The following SGPP2 variants were observed in gnomAD, a reference collection of about 807,000 sequenced individuals.
The protein encoded by SGPP2 is sphingosine-1-phosphate phosphatase 2.
SGPP2 carries 30 observed loss-of-function variants against 33.9 expected under a neutral mutation model. That is an observed-to-expected ratio of 0.89 (90% CI 0.66 to 1.20). The LOEUF (loss-of-function observed/expected upper bound fraction) is 1.20, where lower values mean the gene tolerates loss of function less well. SGPP2 is among the 50% of genes most tolerant of loss of function. SGPP2 has a pLI of 0.00. For synonymous variants in SGPP2, 233 were observed against 225.0 expected (o/e 1.04, Z -0.32); for missense variants, 458 against 532.1 (o/e 0.86, Z 1.37).
rs890143341 is a variant in SGPP2 at position 222,561,767 on chromosome 2, T to C, written c.*2869T>C. ...CAACTGGAGAATGAAAAGTGTATAT[T>C]GGTGACGCCAACCTCAGTTTCTGAG... On this transcript the variant is annotated 3_prime_UTR_variant, in exon 5 of 5. Coordinates refer to ENST00000321276, the MANE Select transcript of SGPP2 (RefSeq NM_152386.4). Among the ~76,000 whole-genome samples, 2 of 151,936 alleles carry C rather than the reference T, an allele frequency of 1.3e-5. No homozygotes were observed. Among genetic ancestry groups the C allele is most frequent in the Admixed American group, 1.3e-4 (2 of 15,256 alleles).
chr2:222,485,283 T>C (rs967618010), intron 2 of SGPP2, among the ~76,000 whole-genome samples: 1 of 152,240 alleles, frequency 6.6e-6, no homozygotes, highest in Admixed American at 6.5e-5. Context: ...CAAGTGCCTA[T>C]ATCTACAGCA....
In SGPP2 at chr2:222,521,962, T is replaced by G; in HGVS notation, c.558+16T>G. On this transcript the variant is annotated intron_variant, in intron 3 of 4. Coordinates refer to ENST00000321276, the MANE Select transcript of SGPP2 (RefSeq NM_152386.4). ...CAGATACCAGGTAAGGTGGCCTGGT[T>G]CTTCTTCCTACCCACCTACTGAGGC... 1 of 1,491,208 alleles carries G rather than the reference T, an allele frequency of 6.7e-7. No homozygotes were observed. Among genetic ancestry groups the G allele is most frequent in the Non-Finnish European group, 8.9e-7 (1 of 1,121,248 alleles). The allele number at this position is 1,491,208 out of a possible 1,614,324, so 92.4% of individuals were successfully genotyped here. A position where few individuals can be genotyped will look rare whatever the true frequency, so the allele number is the denominator to read the frequency against.
rs558847550 is a variant in SGPP2, at chr2:222,562,112, G to C, written c.*3214G>C. Among the ~76,000 whole-genome samples the C allele has an allele frequency of 6.6e-6, 1 of 152,112 alleles. No individual in the cohort carries two copies. The highest frequency in any genetic ancestry group is 2.4e-5 in the African/African-American group (1 of 41,406). On this transcript the variant is annotated 3_prime_UTR_variant, in exon 5 of 5. Coordinates refer to ENST00000321276, the MANE Select transcript of SGPP2 (RefSeq NM_152386.4). Reference sequence around the variant, plus strand: ...CAAGCTCACCACAATGTAAGCCTATGGTCTGGCCAACCTTGCTTTTGGGAA... The same window carrying C: ...CAAGCTCACCACAATGTAAGCCTATCGTCTGGCCAACCTTGCTTTTGGGAA...
intron 4 of SGPP2, among the ~76,000 whole-genome samples, chr2:222,553,786 G>A (rs115263857): frequency 6.6e-6 from 1 of 152,148 alleles, no homozygotes; most frequent in African/African-American, 2.4e-5. Context: ...TCCAGGCTTC[G>A]TTAGGGCTCA....
intron 1 of SGPP2, among the ~76,000 whole-genome samples, chr2:222,433,657 A>G (rs1287617218): frequency 6.6e-6 from 1 of 151,628 alleles, no homozygotes; most frequent in African/African-American, 2.4e-5. Flanking sequence ...ATCCCTGGAC[A>G]CTTGGCCTGG....
intron 1 of SGPP2, among the ~76,000 whole-genome samples, chr2:222,428,826 C>T (rs1697110923): frequency 7.5e-6 from 1 of 133,138 alleles, no homozygotes; most frequent in Admixed American, 8.8e-5. Flanking sequence ...GAGTCTCACC[C>T]TGTCATCCAG....
intron 2 of SGPP2, among the ~76,000 whole-genome samples, chr2:222,517,547 T>C (rs537988563): frequency 6.6e-6 from 1 of 152,316 alleles, no homozygotes; most frequent in South Asian, 2.1e-4. Flanking sequence ...TTCAAGGCCC[T>C]GTGACCTGAT....
chr2:222,548,422 A>G (rs767916445), intron 4 of SGPP2, among the ~76,000 whole-genome samples: 1 of 152,226 alleles, frequency 6.6e-6, no homozygotes, highest in African/African-American at 2.4e-5. Flanking sequence ...TTTCTACCTC[A>G]TGTAGTTACT....
At position 222,562,603 on chromosome 2, in the gene SGPP2, T is replaced by A. The variant is rs1292150613; in HGVS notation, c.*3705T>A. 6.6e-6 allele frequency among the ~76,000 whole-genome samples: 1 copy of A among 152,270 alleles called. No individual in the cohort carries two copies. Among genetic ancestry groups the A allele is most frequent in the Non-Finnish European group, 1.5e-5 (1 of 68,052 alleles). Reference sequence around the variant, plus strand: ...ATCACTTTTATTTGATTTTGACTTATTAAATGCTTTAAAAGCCAGTGTTCT... The same window carrying A: ...ATCACTTTTATTTGATTTTGACTTAATAAATGCTTTAAAAGCCAGTGTTCT... On this transcript the variant is annotated 3_prime_UTR_variant, in exon 5 of 5. Transcript: ENST00000321276.
At chr2:222,499,181 G>A (rs562578627) in intron 2 of SGPP2, among the ~76,000 whole-genome samples, 1 of 152,364 alleles carries the variant, frequency 6.6e-6, no homozygotes, top group African/African-American at 2.4e-5. Flanking sequence ...ATTACACAGA[G>A]TAGGGATGTG....
At chr2:222,509,587 G>A (rs954451671) in intron 2 of SGPP2, among the ~76,000 whole-genome samples, 1 of 152,128 alleles carries the variant, frequency 6.6e-6, no homozygotes, top group Admixed American at 6.5e-5. Context: ...AATTGAACAG[G>A]ATTTTTGAAG....
In SGPP2 at chr2:222,536,680, C is replaced by CA. The variant is rs557467053; in HGVS notation, c.648+11655dup. ...GGGGGATAGAGCAAGACTCTGTCTC[C>CA]AAAAAAAATAAAAAAATAAAATAAA... is the stretch of plus-strand genomic sequence containing the variant. On this transcript the variant is annotated intron_variant, in intron 4 of 4. Transcript: ENST00000321276. 3.2e-3 allele frequency among the ~76,000 whole-genome samples: 486 copies of CA among 149,972 alleles called. 3 individuals are homozygous for CA. Among genetic ancestry groups the CA allele is most frequent in the African/African-American group, 0.011 (465 of 40,810 alleles).
At chr2:222,501,710 A>G (rs1355791676) in intron 2 of SGPP2, among the ~76,000 whole-genome samples, 1 of 152,178 alleles carries the variant, frequency 6.6e-6, no homozygotes, top group Non-Finnish European at 1.5e-5. Flanking sequence ...TCAAGAATAG[A>G]TACTCTCTGA....
chr2:222,520,196 A>T (rs1309952129), intron 2 of SGPP2, among the ~76,000 whole-genome samples: 1 of 152,144 alleles, frequency 6.6e-6, no homozygotes, highest in Non-Finnish European at 1.5e-5. Context: ...TTGACTTTTT[A>T]ATAATAGCGA....
intron 4 of SGPP2, among the ~76,000 whole-genome samples, chr2:222,552,782 C>T (rs1027222695): frequency 6.6e-6 from 1 of 152,138 alleles, no homozygotes; most frequent in African/African-American, 2.4e-5. Context: ...ATCACTTGAA[C>T]CCGGGAGGCA....
intron 4 of SGPP2, among the ~76,000 whole-genome samples, chr2:222,526,417 TCA>T (rs1698760104): frequency 6.6e-6 from 1 of 152,152 alleles, no homozygotes; most frequent in African/African-American, 2.4e-5. Context: ...CCATCCCACG[TCA>T]CACCACACTG....
chr2:222,430,817 C>A (rs528550987), intron 1 of SGPP2, among the ~76,000 whole-genome samples: 2 of 152,248 alleles, frequency 1.3e-5, no homozygotes, highest in African/African-American at 4.8e-5. Flanking sequence ...ATTATGTATT[C>A]TTGTTACATG....
At chr2:222,428,791 T>C (rs1024802790) in intron 1 of SGPP2, among the ~76,000 whole-genome samples, 6 of 138,514 alleles carry the variant, frequency 4.3e-5, no homozygotes, top group African/African-American at 8.2e-5. Context: ...TTTTCTTTTT[T>C]TTTTTTTTTT....
At position 222,533,055 on chromosome 2, in the gene SGPP2, GT is replaced by G. The variant is rs558188613; in HGVS notation, c.648+8028del. Among the ~76,000 whole-genome samples, 39 of 152,240 alleles carry G rather than the reference GT, an allele frequency of 2.6e-4. No individual in the cohort carries two copies. The East Asian group carries it at 7.5e-3, about 29-fold the overall frequency. On this transcript the variant is annotated intron_variant, in intron 4 of 4. Transcript: ENST00000321276. ...TGTGAAGTGATAATTTATGAAAACAGTTTTTTGGTGTATAATTTCATGTTCT... is the reference window on the plus strand; with the variant it reads ...TGTGAAGTGATAATTTATGAAAACAGTTTTTGGTGTATAATTTCATGTTCT...
Sources: allele counts gnomAD v4.1 joint callset (sites outside exome capture counted in the v4.1 genomes callset), GRCh38; gene constraint gnomAD v4.1.1; transcripts MANE v1.5; gene names NCBI Gene and HGNC (gene_info 2026-07-23, HGNC 2026-07-21).